POLR1G: variants seen among roughly 807,000 people sequenced by gnomAD.
POLR1G encodes DNA-directed RNA polymerase I subunit RPA34.
A neutral mutation model predicts 6.3 loss-of-function variants in POLR1G; 9 were observed. That is an observed-to-expected ratio of 1.44 (90% CI 0.87 to 2.51). The LOEUF is 2.51. Among genes scored for constraint, POLR1G ranks in the 30% most tolerant of loss-of-function variants. The probability of loss-of-function intolerance (pLI) is 0.00; values close to 1 mark genes in which losing one functional copy is unlikely to be tolerated. For missense variants in POLR1G, 617 were observed against 632.5 expected, an observed-to-expected ratio of 0.98 and a Z score of 0.26; for synonymous variants, 248 against 256.5, an observed-to-expected ratio of 0.97 and a Z score of 0.32.
In POLR1G at chr19:45,408,632, A is replaced by T; in HGVS notation, c.664A>T (p.Lys222Ter). The T allele has an allele frequency of 1.2e-6, 2 of 1,613,796 alleles. No homozygotes were observed. The highest frequency in any genetic ancestry group is 1.7e-6 in the Non-Finnish European group (2 of 1,180,006). ...GAAGAAGAAAAAAAATCAGCAGCTGAAAGAACCAGAGGCAGCAGGGCCTGT... is the reference window on the plus strand; with the variant it reads ...GAAGAAGAAAAAAAATCAGCAGCTGTAAGAACCAGAGGCAGCAGGGCCTGT... The part of the protein sequence containing the change: ...KKKKKKNQQL[K>*]EPEAAGPVGT... The change falls in exon 3 of 3, where the codon AAA (lysine) becomes TAA (stop). Residue 222 changes from lysine (K) to a stop codon, truncating the protein, a stop_gained. Transcript: ENST00000309424. LOFTEE classifies it low-confidence loss of function (END_TRUNC).
Position 45,409,425 on chromosome 19 carries a change from TG to T in POLR1G, c.1458del (p.Asn487IlefsTer31). 6.2e-7 allele frequency: 1 copy of T among 1,613,536 alleles called. No homozygotes were observed. Among genetic ancestry groups the T allele is most frequent in the Non-Finnish European group, 8.5e-7 (1 of 1,179,980 alleles). On this transcript the variant is annotated frameshift_variant, in exon 3 of 3. Coordinates refer to ENST00000309424, the MANE Select transcript of POLR1G (RefSeq NM_012099.3). LOFTEE classifies it low-confidence loss of function (END_TRUNC). ...VPQEEMPGPP[L>X]NSESGEEAPT... ...CAAGAGGAGATGCCAGGGCCGCCAC[TG>T]AATTCAGAGTCTGGGGAGGAGGCTC... is the stretch of plus-strand genomic sequence containing the variant.
At position 45,406,891 on chromosome 19, in the gene POLR1G, C is replaced by A; in HGVS notation, c.22+173C>A. On this transcript the variant is annotated intron_variant, in intron 1 of 2. Coordinates refer to ENST00000309424, the MANE Select transcript of POLR1G (RefSeq NM_012099.3). The surrounding 1 kb of genome is among the most constrained non-coding windows in gnomAD (Gnocchi z 4.2). ...GGAGAGAGGGTTATCTTGTGGGGGG[C>A]TACCCGTGGAGAGCAAGGCGCCCCC... 1 of 959,426 alleles carries A rather than the reference C, an allele frequency of 1.0e-6. No individual in the cohort carries two copies. The highest frequency in any genetic ancestry group is 1.5e-6 in the Non-Finnish European group (1 of 669,316). 59.4% of individuals were successfully genotyped at this position (959,426 alleles called of 1,614,324 possible). A position where few individuals can be genotyped will look rare whatever the true frequency, so the allele number is the denominator to read the frequency against.
At position 45,409,129 on chromosome 19, in the gene POLR1G, G is replaced by T. The variant is rs772941647; in HGVS notation, c.1161G>T (p.Thr387=). ...CTCTGGCAGCTCCCAAAAAGAAGAC[G>T]AAGAAAGAAAAACAGCAAGATGCCA... ...QAALAAPKKK[T]KKEKQQDATV... Residue 387 remains threonine, a synonymous_variant, in exon 3 of 3, where the codon ACG becomes ACT. Coordinates refer to ENST00000309424, the MANE Select transcript of POLR1G (RefSeq NM_012099.3). 3 of 1,613,162 alleles carry T rather than the reference G, an allele frequency of 1.9e-6. No individual in the cohort carries two copies. The highest frequency in any genetic ancestry group is 2.5e-6 in the Non-Finnish European group (3 of 1,179,380).
Position 45,410,590 on chromosome 19 carries a change from TG to T in POLR1G, c.*1090del, listed in dbSNP as rs1203962178. ...TTGTGTGTGTGTGTGTGTGTGTGTG[TG>T]TGTGTGGTACCCATTAACCTTCCCC... On this transcript the variant is annotated 3_prime_UTR_variant, in exon 3 of 3. Coordinates refer to ENST00000309424, the MANE Select transcript of POLR1G (RefSeq NM_012099.3). 2 of 151,776 alleles carry T rather than the reference TG, an allele frequency of 1.3e-5. No homozygotes were observed. Among genetic ancestry groups the T allele is most frequent in the Non-Finnish European group, 2.9e-5 (2 of 68,048 alleles). The allele number at this position is 151,776 out of a possible 1,614,324, so 9.4% of individuals were successfully genotyped here.
rs1221127228 is a variant in POLR1G, at chr19:45,410,557, TTC to T, written c.*1058_*1059del. 1.1e-5 allele frequency: 1 copy of T among 87,680 alleles called. No homozygotes were observed. The highest frequency in any genetic ancestry group is 6.5e-4 in the East Asian group (1 of 1,532). The allele number at this position is 87,680 out of a possible 1,614,324, so 5.4% of individuals were successfully genotyped here. The stretch of plus-strand genomic sequence containing the variant: ...GTTATCAAATAGTATGTCTTATTCA[TTC>T]TTTCTTTGTGTGTGTGTGTGTGTGT... On this transcript the variant is annotated 3_prime_UTR_variant, in exon 3 of 3. Coordinates refer to ENST00000309424, the MANE Select transcript of POLR1G (RefSeq NM_012099.3).
chr19:45,409,312 G>T lies in POLR1G; in HGVS notation c.1344G>T (p.Glu448Asp). The T allele has an allele frequency of 1.2e-6, 2 of 1,614,064 alleles. No individual in the cohort carries two copies. The highest frequency in any genetic ancestry group is 1.7e-6 in the Non-Finnish European group (2 of 1,180,018). Residue 448 changes from glutamate (E) to aspartate (D), a missense_variant, in exon 3 of 3, where the codon GAG (glutamate) becomes GAT (aspartate). Transcript: ENST00000309424. ...IQPLEPELPG[E>D]GQPEARATPG... ...CACTAGAGCCTGAACTGCCAGGGGAGGGACAGCCTGAAGCCAGGGCAACTC... is the reference window on the plus strand; with the variant it reads ...CACTAGAGCCTGAACTGCCAGGGGATGGACAGCCTGAAGCCAGGGCAACTC...
rs112438131 is a variant in POLR1G at position 45,409,083 on chromosome 19, C to T, written c.1115C>T (p.Ala372Val). 659 of 1,613,594 alleles carry T rather than the reference C, an allele frequency of 4.1e-4. 2 individuals are homozygous for T. In the African/African-American group the frequency reaches 7.2e-3, roughly 18 times the overall value. ...ATGGCGCCTCAACAGCCAGAAGGAG[C>T]GAAGCCTCAGGCCCAGGCAGCTCTG... is the stretch of plus-strand genomic sequence containing the variant. ...GTMAPQQPEG[A>V]KPQAQAALAA... The change falls in exon 3 of 3, where the codon GCG (alanine) becomes GTG (valine). Residue 372 changes from alanine to valine, a missense_variant. Coordinates refer to ENST00000309424, the MANE Select transcript of POLR1G (RefSeq NM_012099.3).
intron 1 of POLR1G, 76 bp from the exon 2 acceptor site, chr19:45,407,018 T>C: frequency 1.3e-6 from 2 of 1,532,714 alleles, no homozygotes; most frequent in South Asian, 1.3e-5. Flanking sequence ...TTAAGACCAA[T>C]GGACCGATAG....
In POLR1G at chr19:45,408,500, G is replaced by T; in HGVS notation, c.532G>T (p.Glu178Ter). The change falls in exon 3 of 3, where the codon GAG (glutamate) becomes TAG (stop). Residue 178 changes from glutamate (E) to a stop codon, truncating the protein, a stop_gained. Transcript: ENST00000309424. LOFTEE classifies it low-confidence loss of function (END_TRUNC). ...NLLTSGKKKK[E>*]MQVTEAPVTQ... ...GCTCACCTCAGGGAAGAAGAAAAAG[G>T]AGATGCAGGTGACAGAGGCCCCAGT... The T allele has an allele frequency of 6.2e-7, 1 of 1,614,038 alleles. No homozygotes were observed. The highest frequency in any genetic ancestry group is 8.5e-7 in the Non-Finnish European group (1 of 1,179,984).
In POLR1G at chr19:45,410,604, A is replaced by AT. The variant is rs1160505511; in HGVS notation, c.*1105dup. ...GTGTGTGTGTGTGTGTGTGGTACCC[A>AT]TTAACCTTCCCCATCTCCCTGCCAG... On this transcript the variant is annotated 3_prime_UTR_variant, in exon 3 of 3. Transcript: ENST00000309424. The AT allele has an allele frequency of 6.8e-5, 5 of 73,106 alleles. No individual in the cohort carries two copies. The highest frequency in any genetic ancestry group is 3.5e-4 in the African/African-American group (5 of 14,364). The allele number at this position is 73,106 out of a possible 1,614,324, so 4.5% of individuals were successfully genotyped here. A position where few individuals can be genotyped will look rare whatever the true frequency, so the allele number is the denominator to read the frequency against.
At chr19:45,407,608 G>A (rs891808539) in intron 2 of POLR1G, 11 of 289,028 alleles carry the variant, frequency 3.8e-5, no homozygotes, top group Admixed American at 2.1e-4. Context: ...ACATTCTGCA[G>A]GCTTGGTGGA....
rs3212986 is a variant in POLR1G, at chr19:45,409,478, C to G, written c.1510C>G (p.Gln504Glu). The change falls in exon 3 of 3, where the codon CAG becomes GAG. Residue 504 changes from glutamine to glutamate, a missense_variant. Physicochemically the swap from Gln to Glu is conservative, Grantham distance 29. Transcript: ENST00000309424. The part of the protein sequence containing the change: ...APTGRDKKRK[Q>E]QQQQPV ...CACAGGCCGGGACAAGAAGCGGAAG[C>G]AGCAGCAGCAGCAGCCTGTGTAGTC... 2 of 1,605,946 alleles carry G rather than the reference C, an allele frequency of 1.2e-6. No individual in the cohort carries two copies. The highest frequency in any genetic ancestry group is 1.7e-6 in the Non-Finnish European group (2 of 1,177,146).
Position 45,408,472 on chromosome 19 carries a change from C to A in POLR1G, c.504C>A (p.Asn168Lys). 6.2e-7 allele frequency: 1 copy of A among 1,613,920 alleles called. No homozygotes were observed. Among genetic ancestry groups the A allele is most frequent in the South Asian group, 1.1e-5 (1 of 91,076 alleles). Residue 168 changes from asparagine to lysine, a missense_variant, in exon 3 of 3, where the codon AAC (asparagine) becomes AAA (lysine). Physicochemically the swap from Asn to Lys is moderately conservative, Grantham distance 94. Coordinates refer to ENST00000309424, the MANE Select transcript of POLR1G (RefSeq NM_012099.3). ...GGCCTAGGTCAGCCTTGGCCCCCAA[C>A]CTGCTCACCTCAGGGAAGAAGAAAA... is the stretch of plus-strand genomic sequence containing the variant. ...VTGPRSALAP[N>K]LLTSGKKKKE...
intron 2 of POLR1G, 189 bp from the exon 3 acceptor site, chr19:45,407,944 C>T: frequency 1.5e-6 from 1 of 671,218 alleles, no homozygotes; most frequent in Non-Finnish European, 2.2e-6. Flanking sequence ...ATCCCAGCTA[C>T]TTGAGAGGCT....
chr19:45,409,198 T>A lies in POLR1G; in HGVS notation c.1230T>A (p.Asp410Glu). 6.2e-7 allele frequency: 1 copy of A among 1,613,096 alleles called. No homozygotes were observed. The highest frequency in any genetic ancestry group is 1.1e-5 in the South Asian group (1 of 90,976). The change falls in exon 3 of 3, where the codon GAT becomes GAA. Residue 410 changes from aspartate to glutamate, a missense_variant. Physicochemically the swap from Asp to Glu is conservative, Grantham distance 45. Coordinates refer to ENST00000309424, the MANE Select transcript of POLR1G (RefSeq NM_012099.3). ...ETEVVGPELP[D>E]DLEPQAAPTS... ...AGGTGGTGGGGCCTGAGCTGCCGGA[T>A]GACCTTGAGCCTCAGGCAGCTCCCA...
rs376694674 is a variant in POLR1G at position 45,407,436 on chromosome 19, TTATAAGAAAC to T, written c.164+208_164+217del. 152 of 556,178 alleles carry T rather than the reference TTATAAGAAAC, an allele frequency of 2.7e-4. 1 individual carries two copies. Among genetic ancestry groups the T allele is most frequent in the Non-Finnish European group, 4.4e-4 (143 of 323,682 alleles). The allele number at this position is 556,178 out of a possible 1,614,324, so 34.5% of individuals were successfully genotyped here. On this transcript the variant is annotated intron_variant, in intron 2 of 2. Coordinates refer to ENST00000309424, the MANE Select transcript of POLR1G (RefSeq NM_012099.3). The stretch of plus-strand genomic sequence containing the variant: ...CACAGCCCTTTGTTAGTATTTCTAC[TTATAAGAAAC>T]TATAAGGAACTATAGTTAAACTTGG...
Position 45,409,865 on chromosome 19 carries a change from C to A in POLR1G, c.*364C>A, listed in dbSNP as rs925667250. Reference sequence around the variant, plus strand: ...CATTGAGTTACAAACAATCCAGTTACAATCTTTTTAAGTTATTATTATTAT... The same window carrying A: ...CATTGAGTTACAAACAATCCAGTTAAAATCTTTTTAAGTTATTATTATTAT... On this transcript the variant is annotated 3_prime_UTR_variant, in exon 3 of 3. Transcript: ENST00000309424. 7.7e-6 allele frequency: 4 copies of A among 518,618 alleles called. No homozygotes were observed. Among genetic ancestry groups the A allele is most frequent in the African/African-American group, 3.9e-5 (2 of 51,320 alleles). 32.1% of individuals were successfully genotyped at this position (518,618 alleles called of 1,614,324 possible). A position where few individuals can be genotyped will look rare whatever the true frequency, so the allele number is the denominator to read the frequency against.
chr19:45,409,889 A>ATTCTTTTT lies in POLR1G; in HGVS notation c.*390_*391insCTTTTTTT, dbSNP rs1184782156. ...ACAATCTTTTTAAGTTATTATTATT[A>ATTCTTTTT]TTATTATTTTTTTTTTTTTTGAGAT... is the stretch of plus-strand genomic sequence containing the variant. On this transcript the variant is annotated 3_prime_UTR_variant, in exon 3 of 3. Coordinates refer to ENST00000309424, the MANE Select transcript of POLR1G (RefSeq NM_012099.3). 4.2e-6 allele frequency: 1 copy of ATTCTTTTT among 237,318 alleles called. No homozygotes were observed. Among genetic ancestry groups the ATTCTTTTT allele is most frequent in the Non-Finnish European group, 6.8e-6 (1 of 146,162 alleles). The allele number at this position is 237,318 out of a possible 1,614,324, so 14.7% of individuals were successfully genotyped here.
rs540904237 is a variant in POLR1G at position 45,407,498 on chromosome 19, A to C, written c.164+263A>C. ...GTGTGCAGATAAGCTCACTAAAGGT[A>C]GGGGCTATTGGTGTTATCCACGACC... On this transcript the variant is annotated intron_variant, in intron 2 of 2. Transcript: ENST00000309424. The C allele has an allele frequency of 1.3e-5, 6 of 449,356 alleles. No homozygotes were observed. In the Admixed American group the frequency reaches 2.6e-4, roughly 20 times the overall value. The allele number at this position is 449,356 out of a possible 1,614,324, so 27.8% of individuals were successfully genotyped here.
Sources: gnomAD v4.1 joint callset for allele counts on GRCh38, gnomAD v4.1.1 for gene constraint, Gnocchi (gnomAD v3.1) non-coding constraint, MANE v1.5 for transcripts, NCBI Gene and HGNC (gene_info 2026-07-23, HGNC 2026-07-21) for gene names.